METTL15: variants seen among roughly 807,000 people sequenced by gnomAD.
The protein encoded by METTL15 is 12S rRNA N(4)-cytidine methyltransferase METTL15.
Under a neutral mutation model 38.3 loss-of-function variants are expected in METTL15, and 34 were observed. The ratio of observed to expected loss-of-function variants is 0.89; its 90% CI spans 0.68 to 1.18. The LOEUF is 1.18. Ranked by LOEUF, METTL15 falls within the 50% of genes most tolerant of loss-of-function variation. METTL15 has a pLI of 0.00. For missense variants in METTL15, 438 were observed against 498.4 expected (o/e 0.88, Z 1.15); for synonymous variants, 162 against 170.9 (o/e 0.95, Z 0.41).
intron 4 of METTL15, among the ~76,000 whole-genome samples, chr11:28,257,401 C>T (rs1050011677): frequency 3.3e-5 from 5 of 152,152 alleles, no homozygotes; most frequent in Non-Finnish European, 5.9e-5. Context: ...TGTTCTATAA[C>T]TTTCTCGTAC....
chr11:28,493,324 A>C (rs1851512065), intron 6 of METTL15, among the ~76,000 whole-genome samples: 1 of 152,152 alleles, frequency 6.6e-6, no homozygotes, highest in African/African-American at 2.4e-5. Flanking sequence ...CTGTTCTGTC[A>C]TGTCTCATCT....
At chr11:28,221,889 T>C (rs896095033) in intron 4 of METTL15, among the ~76,000 whole-genome samples, 14 of 152,176 alleles carry the variant, frequency 9.2e-5, no homozygotes, top group African/African-American at 2.9e-4. Flanking sequence ...ACAGCAAATG[T>C]TGCTGCCTGA....
At chr11:28,236,806 A>G (rs991337260) in intron 4 of METTL15, among the ~76,000 whole-genome samples, 3 of 152,142 alleles carry the variant, frequency 2.0e-5, no homozygotes, top group Non-Finnish European at 2.9e-5. Context: ...GGTGTTGACA[A>G]AATCTCTCAG....
intron 4 of METTL15, among the ~76,000 whole-genome samples, chr11:28,275,782 A>G (rs1380849187): frequency 1.3e-5 from 2 of 152,106 alleles, no homozygotes; most frequent in Non-Finnish European, 2.9e-5. Context: ...GGATGCAAGA[A>G]TGATTCCACA....
chr11:28,322,790 T>A (rs1849514303), intron 6 of METTL15, among the ~76,000 whole-genome samples: 1 of 152,140 alleles, frequency 6.6e-6, no homozygotes, highest in Non-Finnish European at 1.5e-5. Context: ...TTTATTGTGA[T>A]GGAAAAAATA....
At chr11:28,513,939 A>C (rs754572885) in intron 6 of METTL15, among the ~76,000 whole-genome samples, 10 of 152,262 alleles carry the variant, frequency 6.6e-5, no homozygotes, top group Non-Finnish European at 1.5e-4. Flanking sequence ...ACAGTGCTGC[A>C]GAGATTTTGT....
At chr11:28,498,977 T>A (rs1272645758) in intron 6 of METTL15, among the ~76,000 whole-genome samples, 1 of 152,238 alleles carries the variant, frequency 6.6e-6, no homozygotes, top group Non-Finnish European at 1.5e-5. Context: ...GCTTGACTGC[T>A]TGGTTTTATT....
rs533555230 is a variant in METTL15 at position 28,313,326 on chromosome 11, T to G, written c.778+16395T>G. Among the ~76,000 whole-genome samples the G allele has an allele frequency of 3.3e-5, 5 of 152,048 alleles. No individual in the cohort carries two copies. In the South Asian group the frequency reaches 1.0e-3, roughly 32 times the overall value. ...TGTCTAATTGTTGATAAAATCTACA[T>G]CACAAACACATGCAAAAATAATTAA... On this transcript the variant is annotated intron_variant, in intron 6 of 6. Coordinates refer to ENST00000407364, the MANE Select transcript of METTL15 (RefSeq NM_001113528.2).
intron 5 of METTL15, among the ~76,000 whole-genome samples, chr11:28,377,662 CAA>C: frequency 6.6e-6 from 1 of 152,316 alleles, no homozygotes; most frequent in Middle Eastern, 3.4e-3. Flanking sequence ...CTCAGCTCGT[CAA>C]AGTCATTCTC....
At chr11:28,312,715 C>T (rs376222419) in intron 6 of METTL15, among the ~76,000 whole-genome samples, 5 of 152,188 alleles carry the variant, frequency 3.3e-5, no homozygotes, top group East Asian at 1.9e-4. Context: ...AGTGCCTTCT[C>T]GCTATGTCAT....
At chr11:28,366,251 G>T (rs1270150719) in intron 5 of METTL15, among the ~76,000 whole-genome samples, 3 of 152,028 alleles carry the variant, frequency 2.0e-5, no homozygotes, top group Non-Finnish European at 4.4e-5. Flanking sequence ...CTCAGTGGAG[G>T]GCAAAAGAAT....
intron 4 of METTL15, among the ~76,000 whole-genome samples, chr11:28,238,625 C>A (rs909851226): frequency 2.6e-5 from 4 of 152,214 alleles, no homozygotes; most frequent in African/African-American, 9.7e-5. Context: ...GTCCTGCGCC[C>A]ACTGTCTGGC....
intron 6 of METTL15, among the ~76,000 whole-genome samples, chr11:28,298,373 G>T (rs977161876): frequency 6.6e-6 from 1 of 152,052 alleles, no homozygotes; most frequent in Non-Finnish European, 1.5e-5. Context: ...AAAATGAGGT[G>T]TTGGGGCTAG....
At position 28,211,118 on chromosome 11, in the gene METTL15, G is replaced by A. The variant is rs1393251926; in HGVS notation, c.327G>A (p.Lys109=). 3.7e-6 allele frequency: 6 copies of A among 1,612,620 alleles called. No homozygotes were observed. Among genetic ancestry groups the A allele is most frequent in the Non-Finnish European group, 4.2e-6 (5 of 1,179,152 alleles). The change falls in exon 4 of 7, where the codon AAG becomes AAA. Residue 109 remains lysine, a synonymous_variant. Coordinates refer to ENST00000407364, the MANE Select transcript of METTL15 (RefSeq NM_001113528.2). ...SGGHTKAILQ[K]ESDIVLYALD... is the part of the protein sequence containing the mutation. Reference sequence around the variant, plus strand: ...GGCACACAAAAGCCATTCTGCAGAAGGAGTCAGATATTGTTCTCTATGCCT... The same window carrying A: ...GGCACACAAAAGCCATTCTGCAGAAAGAGTCAGATATTGTTCTCTATGCCT...
intron 4 of METTL15, among the ~76,000 whole-genome samples, chr11:28,353,401 C>T (rs1850058971): frequency 6.6e-6 from 1 of 152,138 alleles, no homozygotes; most frequent in Non-Finnish European, 1.5e-5. Context: ...ATCAAAATTT[C>T]GAAGGGTGTG....
intron 3 of METTL15, among the ~76,000 whole-genome samples, chr11:28,191,447 TAAA>T: frequency 6.6e-6 from 1 of 151,614 alleles, no homozygotes; most frequent in South Asian, 2.1e-4. Context: ...ATGCTTTATA[TAAA>T]TGTAAAGAAA....
chr11:28,510,441 A>C (rs1241933666), intron 6 of METTL15, among the ~76,000 whole-genome samples: 1 of 152,184 alleles, frequency 6.6e-6, no homozygotes, highest in Non-Finnish European at 1.5e-5. Context: ...ATATGTAGCT[A>C]ATGTCCAATA....
intron 3 of METTL15, among the ~76,000 whole-genome samples, chr11:28,342,590 A>G (rs963642563): frequency 3.3e-5 from 5 of 152,150 alleles, no homozygotes; most frequent in African/African-American, 1.2e-4. Flanking sequence ...AAGCCATGAA[A>G]TTCCTCTGTC....
chr11:28,170,903 C>T (rs1436226199), intron 3 of METTL15, among the ~76,000 whole-genome samples: 1 of 152,110 alleles, frequency 6.6e-6, no homozygotes, highest in African/African-American at 2.4e-5. Context: ...CAATGCCTAA[C>T]CTCCTGTGTT....
Sources: gnomAD v4.1 joint callset for allele counts (sites outside exome capture counted in the v4.1 genomes callset) on GRCh38, gnomAD v4.1.1 for gene constraint, MANE v1.5 for transcripts, NCBI Gene and HGNC (gene_info 2026-07-23, HGNC 2026-07-21) for gene names.